The following MDFIC2 variants were observed in gnomAD, a reference collection of about 807,000 sequenced individuals.
MDFIC2 encodes the protein myoD family inhibitor domain-containing protein 2.
intron 2 of MDFIC2, among the ~76,000 whole-genome samples, chr3:70,267,596 TTAGTA>T (rs1261632842): frequency 6.7e-6 from 1 of 148,874 alleles, no homozygotes; most frequent in African/African-American, 2.4e-5. Flanking sequence ...TTTTTTTTTT[TTAGTA>T]AAGACGGGGT....
At chr3:70,289,380 T>C (rs1168755479) in intron 2 of MDFIC2, among the ~76,000 whole-genome samples, 83 of 150,594 alleles carry the variant, frequency 5.5e-4, no homozygotes, top group Middle Eastern at 3.5e-3. Flanking sequence ...GAATGTTGAA[T>C]ATTGGCCCCC....
At chr3:70,278,890 T>G (rs1408450697) in intron 2 of MDFIC2, among the ~76,000 whole-genome samples, 3 of 151,720 alleles carry the variant, frequency 2.0e-5, no homozygotes, top group Non-Finnish European at 4.4e-5. Flanking sequence ...AATTGTAACG[T>G]AGAGAGCTAG....
chr3:70,232,641 G>C (rs955965438), intron 2 of MDFIC2, among the ~76,000 whole-genome samples: 1 of 151,850 alleles, frequency 6.6e-6, no homozygotes, highest in African/African-American at 2.4e-5. Flanking sequence ...CTCGTGATCC[G>C]CCCGCCTCAG....
At chr3:70,304,621 A>G (rs1019637412) in intron 2 of MDFIC2, among the ~76,000 whole-genome samples, 1 of 152,182 alleles carries the variant, frequency 6.6e-6, no homozygotes, top group Non-Finnish European at 1.5e-5. Context: ...CTAACTTTGC[A>G]TAGACCTAAA....
chr3:70,298,713 C>T (rs577886254), intron 2 of MDFIC2, among the ~76,000 whole-genome samples: 2 of 152,096 alleles, frequency 1.3e-5, no homozygotes, highest in Non-Finnish European at 2.9e-5. Context: ...TTCCAGTCTT[C>T]TTTAATTTTA....
At chr3:70,224,547 CA>C (rs1024290846) in intron 2 of MDFIC2, among the ~76,000 whole-genome samples, 11 of 152,268 alleles carry the variant, frequency 7.2e-5, no homozygotes, top group African/African-American at 2.4e-4. Context: ...ACATTTAACA[CA>C]ACACTATAAT....
intron 2 of MDFIC2, among the ~76,000 whole-genome samples, chr3:70,233,807 T>C (rs1249335014): frequency 1.3e-5 from 2 of 152,254 alleles, no homozygotes; most frequent in Non-Finnish European, 1.5e-5. Flanking sequence ...ATTCAGATTG[T>C]TGCATATCTA....
rs527293414 is a variant in MDFIC2 at position 70,226,693 on chromosome 3, G to A, written c.89-19903C>T. On this transcript the variant is annotated intron_variant, in intron 2 of 3. Coordinates refer to ENST00000567252, the MANE Select transcript of MDFIC2 (RefSeq NM_001364677.1). ...GCGGAGGTTGCAGTGAGCCGATATC[G>A]TGCCACTCCACTCCAGCCTGGGCAA... 2.1e-3 allele frequency among the ~76,000 whole-genome samples: 316 copies of A among 148,346 alleles called. 3 individuals are homozygous for A. The highest frequency in any genetic ancestry group is 7.0e-3 in the African/African-American group (280 of 40,038).
At chr3:70,277,025 G>A (rs903437098) in intron 2 of MDFIC2, among the ~76,000 whole-genome samples, 8 of 151,836 alleles carry the variant, frequency 5.3e-5, no homozygotes, top group Non-Finnish European at 1.0e-4. Flanking sequence ...TTTTAGCATG[G>A]CATTCATGGA....
intron 3 of MDFIC2, among the ~76,000 whole-genome samples, chr3:70,204,165 T>G (rs1430991670): frequency 6.6e-6 from 1 of 152,204 alleles, no homozygotes; most frequent in African/African-American, 2.4e-5. Flanking sequence ...TAAGCATCTA[T>G]TACTATGCAC....
chr3:70,263,885 T>A (rs6419772), intron 2 of MDFIC2, among the ~76,000 whole-genome samples: 151,262 of 152,232 alleles, frequency 0.99, 75,159 homozygotes, highest in Non-Finnish European at 1. Context: ...TCTCTCGGGG[T>A]TCACAGTCCT....
At chr3:70,220,501 G>T (rs1320521170) in intron 2 of MDFIC2, among the ~76,000 whole-genome samples, 1 of 151,980 alleles carries the variant, frequency 6.6e-6, no homozygotes, top group African/African-American at 2.4e-5. Context: ...AAGAACTGGT[G>T]CACAATTTCT....
intron 2 of MDFIC2, among the ~76,000 whole-genome samples, chr3:70,217,144 T>G (rs1359078301): frequency 6.6e-6 from 1 of 152,132 alleles, no homozygotes; most frequent in Admixed American, 6.6e-5. Flanking sequence ...AGTTTGTCTG[T>G]GTCAATTAAC....
intron 2 of MDFIC2, among the ~76,000 whole-genome samples, chr3:70,282,136 C>A (rs529664960): frequency 6.6e-6 from 1 of 152,144 alleles, no homozygotes; most frequent in East Asian, 1.9e-4. Flanking sequence ...GGTCAGGGAA[C>A]CAAAATCTGT....
At chr3:70,205,755 A>C (rs1328314581) in intron 3 of MDFIC2, 1 of 152,112 alleles carries the variant, frequency 6.6e-6, no homozygotes, top group Non-Finnish European at 1.5e-5. Flanking sequence ...TTCAAAAAGT[A>C]AATATGTATT....
At chr3:70,301,191 T>C (rs1559558306) in intron 2 of MDFIC2, among the ~76,000 whole-genome samples, 1 of 152,122 alleles carries the variant, frequency 6.6e-6, no homozygotes, top group Non-Finnish European at 1.5e-5. Flanking sequence ...TTAATTCTGT[T>C]GTTTCAAGTG....
intron 2 of MDFIC2, among the ~76,000 whole-genome samples, chr3:70,307,039 C>T (rs1361785733): frequency 6.6e-6 from 1 of 152,006 alleles, no homozygotes; most frequent in Non-Finnish European, 1.5e-5. Flanking sequence ...TGTGCCAATG[C>T]AGCAATGTTT....
chr3:70,201,620 T>C (rs756112052), intron 3 of MDFIC2, among the ~76,000 whole-genome samples: 1 of 152,166 alleles, frequency 6.6e-6, no homozygotes, highest in Non-Finnish European at 1.5e-5. Flanking sequence ...CCAGGAAACA[T>C]AGGCTATTGC....
chr3:70,289,134 G>T (rs1702200253), intron 2 of MDFIC2, among the ~76,000 whole-genome samples: 1 of 151,424 alleles, frequency 6.6e-6, no homozygotes, highest in Non-Finnish European at 1.5e-5. Context: ...CTCGTTAGTT[G>T]ATGCAGTTTC....
Sources: gnomAD v4.1 joint callset for allele counts (sites outside exome capture counted in the v4.1 genomes callset) on GRCh38, gnomAD v4.1.1 for gene constraint, MANE v1.5 for transcripts, NCBI Gene and HGNC (gene_info 2026-07-23, HGNC 2026-07-21) for gene names.